CDH12: variants seen among roughly 807,000 people sequenced by gnomAD.
The protein encoded by CDH12 is cadherin-12.
A neutral mutation model predicts 74.1 loss-of-function variants in CDH12; 41 were observed. The observed-to-expected ratio is 0.55, with a 90% CI of 0.43 to 0.72. The LOEUF (loss-of-function observed/expected upper bound fraction) is 0.72, where lower values mean the gene tolerates loss of function less well. CDH12 is among the 30% of genes least tolerant of loss of function. The probability of loss-of-function intolerance (pLI) is 0.00; values close to 1 mark genes in which losing one functional copy is unlikely to be tolerated. For missense variants in CDH12, 945 were observed against 977.2 expected (o/e 0.97, Z 0.44); for synonymous variants, 399 against 355.0 (o/e 1.12, Z -1.39).
chr5:22,292,341 G>GTTTTTTTTTTT (rs60010478), intron 3 of CDH12, among the ~76,000 whole-genome samples: 7 of 105,380 alleles, frequency 6.6e-5, no homozygotes, highest in African/African-American at 1.0e-4. Flanking sequence ...TTTGGTTTTT[G>GTTTTTTTTTTT]TTTTTTTTTT....
At chr5:22,248,926 C>G (rs1753046827) in intron 3 of CDH12, among the ~76,000 whole-genome samples, 1 of 151,912 alleles carries the variant, frequency 6.6e-6, no homozygotes, top group Non-Finnish European at 1.5e-5. Context: ...CAAATCTAAC[C>G]TCTACTCGAC....
At chr5:22,417,878 C>T (rs1743466476) in intron 2 of CDH12, among the ~76,000 whole-genome samples, 1 of 151,090 alleles carries the variant, frequency 6.6e-6, no homozygotes, top group Non-Finnish European at 1.5e-5. Flanking sequence ...ATACCATTAC[C>T]TTGCAGTTTG....
At chr5:22,479,390 G>C (rs1206000036) in intron 2 of CDH12, among the ~76,000 whole-genome samples, 1 of 152,194 alleles carries the variant, frequency 6.6e-6, no homozygotes, top group East Asian at 1.9e-4. Flanking sequence ...GAGAGAGGTA[G>C]ACACTAAAAG....
At chr5:21,836,180 A>T (rs1749521628) in intron 8 of CDH12, among the ~76,000 whole-genome samples, 2 of 151,776 alleles carry the variant, frequency 1.3e-5, no homozygotes, top group African/African-American at 2.4e-5. Flanking sequence ...TTAACAAGTT[A>T]AAAAACTATG....
chr5:21,757,270 G>T (rs886970016), intron 13 of CDH12, among the ~76,000 whole-genome samples: 1 of 152,044 alleles, frequency 6.6e-6, no homozygotes, highest in African/African-American at 2.4e-5. Flanking sequence ...CCGCCTCCTG[G>T]GTTCAAGCGA....
intron 5 of CDH12, 103 bp downstream of exon 5, chr5:22,078,343 T>C (rs1742476127): frequency 1.1e-6 from 1 of 937,794 alleles, no homozygotes; most frequent in African/African-American, 1.6e-5. Flanking sequence ...TCCAGTGTTC[T>C]AGTCACTGGT....
At chr5:22,678,828 G>T (rs1169754650) in intron 1 of CDH12, among the ~76,000 whole-genome samples, 1 of 152,042 alleles carries the variant, frequency 6.6e-6, no homozygotes, top group Non-Finnish European at 1.5e-5. Context: ...CAGCTTGAAA[G>T]CTCTCTCCTT....
rs57679646 is a variant in CDH12, at chr5:21,984,747, C to T, written c.232-9362G>A. ...CCAAAATCATATTAAGTAAAACTTG[C>T]AATCAACAGAAAAAATAGAAGTAAT... On this transcript the variant is annotated intron_variant, in intron 5 of 14. Coordinates refer to ENST00000382254, the MANE Select transcript of CDH12 (RefSeq NM_004061.5). 6.6e-5 allele frequency among the ~76,000 whole-genome samples: 10 copies of T among 152,094 alleles called. No individual in the cohort carries two copies. In the East Asian group the frequency reaches 1.9e-3, roughly 29 times the overall value.
At chr5:22,485,110 G>A (rs932718654) in intron 2 of CDH12, among the ~76,000 whole-genome samples, 32 of 152,090 alleles carry the variant, frequency 2.1e-4, no homozygotes, top group African/African-American at 7.7e-4. Context: ...TGTTGTTCAG[G>A]TGTATAAAAA....
chr5:22,708,114 A>T (rs1743110203), intron 1 of CDH12, among the ~76,000 whole-genome samples: 1 of 152,204 alleles, frequency 6.6e-6, no homozygotes, highest in Non-Finnish European at 1.5e-5. Flanking sequence ...GAAAACTTGC[A>T]CTGAAATGCA....
intron 2 of CDH12, among the ~76,000 whole-genome samples, chr5:22,426,356 G>T (rs2126509693): frequency 2.0e-5 from 3 of 148,512 alleles, no homozygotes; most frequent in Non-Finnish European, 3.0e-5. Flanking sequence ...GTGTTTGTTT[G>T]TTATCAAAGA....
At chr5:22,082,508 A>C (rs551412566) in intron 4 of CDH12, among the ~76,000 whole-genome samples, 1 of 152,326 alleles carries the variant, frequency 6.6e-6, no homozygotes. Context: ...GGACAGAAGT[A>C]TATGGTGCAA....
At chr5:21,914,424 A>C (rs1023731140) in intron 6 of CDH12, among the ~76,000 whole-genome samples, 1 of 152,278 alleles carries the variant, frequency 6.6e-6, no homozygotes, top group Middle Eastern at 3.4e-3. Flanking sequence ...TTTTTACAGA[A>C]ATATATCTAC....
intron 6 of CDH12, among the ~76,000 whole-genome samples, chr5:21,942,609 T>G (rs1028599807): frequency 7.2e-5 from 11 of 151,948 alleles, no homozygotes; most frequent in Non-Finnish European, 1.3e-4. Flanking sequence ...TATATACACA[T>G]GCAGAAATGT....
At chr5:22,029,125 A>G (rs1738615625) in intron 5 of CDH12, among the ~76,000 whole-genome samples, 1 of 152,240 alleles carries the variant, frequency 6.6e-6, no homozygotes, top group Admixed American at 6.5e-5. Flanking sequence ...GATGGATTAA[A>G]GACTTAAATG....
chr5:21,941,176 T>G (rs988792396), intron 6 of CDH12, among the ~76,000 whole-genome samples: 47 of 152,292 alleles, frequency 3.1e-4, no homozygotes, highest in Non-Finnish European at 4.4e-4. Context: ...TTTCTAAGAC[T>G]ATCTATAGGT....
chr5:22,499,451 G>T (rs961220169), intron 2 of CDH12, among the ~76,000 whole-genome samples: 3 of 152,064 alleles, frequency 2.0e-5, no homozygotes, highest in Non-Finnish European at 2.9e-5. Flanking sequence ...CTCTAGAATG[G>T]TTCCTGGGGA....
chr5:22,847,022 G>A (rs867331052), intron 1 of CDH12, among the ~76,000 whole-genome samples: 21 of 152,012 alleles, frequency 1.4e-4, no homozygotes, highest in South Asian at 8.3e-4. Flanking sequence ...TTATTGACAC[G>A]ACTACAATTC....
chr5:22,236,244 C>A (rs917469293), intron 3 of CDH12, among the ~76,000 whole-genome samples: 4 of 152,152 alleles, frequency 2.6e-5, no homozygotes, highest in African/African-American at 9.7e-5. Flanking sequence ...TCTTCTTTAA[C>A]CTTAGCTTAC....
Sources: allele counts gnomAD v4.1 joint callset (sites outside exome capture counted in the v4.1 genomes callset), GRCh38; gene constraint gnomAD v4.1.1; transcripts MANE v1.5; gene names NCBI Gene and HGNC (gene_info 2026-07-23, HGNC 2026-07-21).